The following ZC3H12B variants were observed in gnomAD, a reference collection of about 807,000 sequenced individuals.
ZC3H12B encodes probable ribonuclease ZC3H12B.
ZC3H12B carries 7 observed loss-of-function variants against 43.9 expected under a neutral mutation model. That is an observed-to-expected ratio of 0.16 (90% CI 0.09 to 0.30). The LOEUF is 0.30. Ranked by LOEUF, ZC3H12B falls within the 10% of genes least tolerant of loss-of-function variation. The probability of loss-of-function intolerance (pLI) is 1.00; values close to 1 mark genes in which losing one functional copy is unlikely to be tolerated. For missense variants in ZC3H12B, 475 were observed against 670.2 expected (o/e 0.71, Z 3.22); for synonymous variants, 222 against 241.7 (o/e 0.92, Z 0.76).
chrX:65,250,846 C>G, the ZC3H12B span, among the ~76,000 whole-genome samples: 1 of 111,472 alleles, frequency 9.0e-6, no homozygotes, highest in East Asian at 2.8e-4. Context: ...AGCCCTTTGT[C>G]AGATGAGCAG....
the ZC3H12B span, among the ~76,000 whole-genome samples, chrX:65,153,503 A>T: frequency 8.9e-6 from 1 of 112,659 alleles, no homozygotes; most frequent in Admixed American, 9.4e-5. Flanking sequence ...TGGCCATCAG[A>T]GAAATGCAAA....
At chrX:65,122,708 C>T in the ZC3H12B span, among the ~76,000 whole-genome samples, 2 of 110,131 alleles carry the variant, frequency 1.8e-5, no homozygotes, top group African/African-American at 3.3e-5. Flanking sequence ...AGCAAATGGA[C>T]AACAAAAAAA....
chrX:65,101,417 A>G, the ZC3H12B span, among the ~76,000 whole-genome samples: 1 of 112,063 alleles, frequency 8.9e-6, no homozygotes, highest in Non-Finnish European at 1.9e-5. Flanking sequence ...AGATAGAGAC[A>G]ATAAAAACCA....
At chrX:65,323,909 C>A in the ZC3H12B span, among the ~76,000 whole-genome samples, 2 of 112,149 alleles carry the variant, frequency 1.8e-5, no homozygotes, top group African/African-American at 6.5e-5. Context: ...GATGGTATCT[C>A]ATTGTGGTTT....
chrX:65,449,577 C>A (rs1438712510), intron 3 of ZC3H12B, among the ~76,000 whole-genome samples: 1 of 110,517 alleles, frequency 9.0e-6, no homozygotes, highest in Admixed American at 9.6e-5. Context: ...CAAGATCACA[C>A]CACTCCACTT....
the ZC3H12B span, among the ~76,000 whole-genome samples, chrX:65,307,219 C>A: frequency 8.9e-6 from 1 of 111,776 alleles, no homozygotes; most frequent in Non-Finnish European, 1.9e-5. Context: ...AGTAATATAG[C>A]AATATCCAGA....
At chrX:65,077,410 G>T in the ZC3H12B span, among the ~76,000 whole-genome samples, 1 of 112,341 alleles carries the variant, frequency 8.9e-6, no homozygotes, top group South Asian at 3.7e-4. Flanking sequence ...AGCACTACAG[G>T]TGTTGAGCCA....
At chrX:65,138,077 G>C in the ZC3H12B span, among the ~76,000 whole-genome samples, 1 of 112,056 alleles carries the variant, frequency 8.9e-6, no homozygotes, top group Non-Finnish European at 1.9e-5. Context: ...CAATCCTCCC[G>C]CCTCTGCCTC....
chrX:65,387,093 A>G (rs1054265264), intron 2 of ZC3H12B, among the ~76,000 whole-genome samples: 11 of 111,680 alleles, frequency 9.8e-5, no homozygotes, highest in Non-Finnish European at 1.9e-4. Flanking sequence ...GAATAAGTGC[A>G]GTGTGGTGCT....
the ZC3H12B span, among the ~76,000 whole-genome samples, chrX:65,111,961 G>T: frequency 1.8e-5 from 2 of 111,882 alleles, no homozygotes; most frequent in Admixed American, 9.5e-5. Flanking sequence ...GGCCAGAAAT[G>T]ATTACACTTA....
chrX:65,432,102 G>A (rs1205035810), intron 3 of ZC3H12B, among the ~76,000 whole-genome samples: 1 of 111,817 alleles, frequency 8.9e-6, no homozygotes, highest in Non-Finnish European at 1.9e-5. Flanking sequence ...GACACCATGG[G>A]TATTAGGGCC....
At position 65,382,814 on chromosome X, in the gene ZC3H12B, C is replaced by G. The variant is rs760405404; in HGVS notation, n.295+13816C>G. 3.6e-5 allele frequency among the ~76,000 whole-genome samples: 4 copies of G among 111,416 alleles called. No homozygotes were observed. In the East Asian group the frequency reaches 8.4e-4, roughly 23 times the overall value. On this transcript the variant is annotated intron_variant and non_coding_transcript_variant, in intron 2 of 5. Coordinates refer to the ZC3H12B transcript ENST00000617377. ...AGCATTCTTGTACACCAACAACAGA[C>G]AAACAGAGAGCCAAATCATGAGTGA... is the stretch of plus-strand genomic sequence containing the variant.
chrX:65,359,786 A>G, the ZC3H12B span, among the ~76,000 whole-genome samples: 7 of 112,560 alleles, frequency 6.2e-5, no homozygotes, highest in Non-Finnish European at 1.9e-5. Flanking sequence ...AACTTATTTG[A>G]TAAAGTGGCG....
At chrX:65,182,792 A>G in the ZC3H12B span, among the ~76,000 whole-genome samples, 1 of 112,053 alleles carries the variant, frequency 8.9e-6, no homozygotes, top group Non-Finnish European at 1.9e-5. Flanking sequence ...AAAAGGAAAC[A>G]TAAATGCAGC....
At chrX:65,049,948 T>C in the ZC3H12B span, among the ~76,000 whole-genome samples, 1 of 111,645 alleles carries the variant, frequency 9.0e-6, no homozygotes, top group African/African-American at 3.2e-5. Context: ...CTATTAGTAC[T>C]GCTTTTGCTG....
the ZC3H12B span, among the ~76,000 whole-genome samples, chrX:65,192,683 C>G: frequency 6.3e-5 from 7 of 111,299 alleles, no homozygotes; most frequent in Non-Finnish European, 3.8e-5. Context: ...ATTCCTCCCT[C>G]CCTAGGATAA....
the ZC3H12B span, among the ~76,000 whole-genome samples, chrX:65,117,330 A>G: frequency 2.7e-5 from 3 of 111,908 alleles, no homozygotes; most frequent in Admixed American, 2.8e-4. Flanking sequence ...ACATTTTTTC[A>G]TGTCTCTGTT....
At chrX:65,160,470 T>A in the ZC3H12B span, among the ~76,000 whole-genome samples, 1 of 111,949 alleles carries the variant, frequency 8.9e-6, no homozygotes, top group Non-Finnish European at 1.9e-5. Flanking sequence ...AGATTCAACT[T>A]CTTTGTGGTT....
At chrX:65,483,785 T>A (rs2068092120), upstream of ZC3H12B, among the ~76,000 whole-genome samples, 1 of 112,348 alleles carries the variant, frequency 8.9e-6, no homozygotes, top group African/African-American at 3.2e-5. Context: ...TTTGAATTTG[T>A]TCTCTTAGAA....
Sources: gnomAD v4.1 joint callset for allele counts (sites outside exome capture counted in the v4.1 genomes callset) on GRCh38, gnomAD v4.1.1 for gene constraint, MANE v1.5 for transcripts, NCBI Gene and HGNC (gene_info 2026-07-23, HGNC 2026-07-21) for gene names.